Variants in TCERG1L observed in about 807,000 individuals in gnomAD.
TCERG1L encodes transcription elongation regulator 1-like protein.
Under a neutral mutation model 56.3 loss-of-function variants are expected in TCERG1L, and 37 were observed. That is an observed-to-expected ratio of 0.66 (90% confidence interval 0.51 to 0.87). The LOEUF (loss-of-function observed/expected upper bound fraction) is 0.87. Among genes scored for constraint, TCERG1L ranks in the 40% least tolerant of loss-of-function variants. The pLI, the probability that TCERG1L is intolerant of heterozygous loss-of-function variation, is 0.00. For missense variants in TCERG1L, 799 were observed against 774.2 expected (o/e 1.03, Z -0.38); for synonymous variants, 324 against 326.3 (o/e 0.99, Z 0.08).
At chr10:131,117,552 A>G (rs12571667) in intron 8 of TCERG1L, among the ~76,000 whole-genome samples, 36,693 of 152,144 alleles carry the variant, frequency 0.24, 5,462 homozygotes, top group East Asian at 0.8. Context: ...GTTCCCTCCC[A>G]CAGCAGAGGG....
At chr10:131,271,218 T>TAAAGAGGAAG (rs144430149) in intron 3 of TCERG1L, among the ~76,000 whole-genome samples, 3,158 of 152,164 alleles carry the variant, frequency 0.021, 81 homozygotes, top group East Asian at 0.089. Flanking sequence ...CGGGACTCAG[T>TAAAGAGGAAG]GAAGAAGAGG....
intron 5 of TCERG1L, among the ~76,000 whole-genome samples, chr10:131,166,092 G>A (rs1345582557): frequency 2.0e-5 from 3 of 152,182 alleles, no homozygotes; most frequent in Non-Finnish European, 4.4e-5. Flanking sequence ...AGGAGGAGAC[G>A]TGAACAACAG....
chr10:131,239,832 C>A (rs1845952311), intron 4 of TCERG1L, among the ~76,000 whole-genome samples: 1 of 152,224 alleles, frequency 6.6e-6, no homozygotes, highest in South Asian at 2.1e-4. Flanking sequence ...AAGACCCTCC[C>A]AGGCTCCCTC....
At chr10:131,280,350 G>C (rs551596940) in intron 3 of TCERG1L, among the ~76,000 whole-genome samples, 10 of 150,180 alleles carry the variant, frequency 6.7e-5, no homozygotes, top group African/African-American at 2.5e-4. Flanking sequence ...CCTTTAGCTT[G>C]GTAATCAATC....
intron 4 of TCERG1L, among the ~76,000 whole-genome samples, chr10:131,167,914 A>G (rs1846049508): frequency 6.6e-6 from 1 of 152,252 alleles, no homozygotes; most frequent in Non-Finnish European, 1.5e-5. Context: ...TTTAATACCA[A>G]GAATAAAAAG....
intron 7 of TCERG1L, among the ~76,000 whole-genome samples, chr10:131,139,690 CTG>C (rs10534161): frequency 0.53 from 79,569 of 150,088 alleles, 21,015 homozygotes; most frequent in East Asian, 0.67. Flanking sequence ...GTGTGTGTGT[CTG>C]TGTGTGTGTG....
At chr10:131,114,741 A>G (rs1253596376) in intron 9 of TCERG1L, among the ~76,000 whole-genome samples, 1 of 152,192 alleles carries the variant, frequency 6.6e-6, no homozygotes, top group Non-Finnish European at 1.5e-5. Flanking sequence ...GTTAGTTTAA[A>G]ACTGTGTTGG....
intron 4 of TCERG1L, among the ~76,000 whole-genome samples, chr10:131,250,713 C>G (rs1049622312): frequency 6.6e-6 from 1 of 152,166 alleles, no homozygotes; most frequent in East Asian, 1.9e-4. Flanking sequence ...CCTCCTAGCC[C>G]GGGAGCCCAG....
chr10:131,206,206 A>G (rs1468814055), intron 4 of TCERG1L, among the ~76,000 whole-genome samples: 5 of 152,242 alleles, frequency 3.3e-5, no homozygotes, highest in Non-Finnish European at 1.5e-5. Flanking sequence ...AGGTCCGCAA[A>G]GGCAAATCCT....
In TCERG1L at chr10:131,118,111, C is replaced by T. The variant is rs1454626705; in HGVS notation, c.1260-1177G>A. 1.3e-5 allele frequency among the ~76,000 whole-genome samples: 2 copies of T among 152,192 alleles called. No homozygotes were observed. Among genetic ancestry groups the T allele is most frequent in the African/African-American group, 4.8e-5 (2 of 41,450 alleles). ...TCCCTGGCCTGGCCCTGCTCCCACACCTGCCCACGGCATCAGACCACCCAT... is the reference window on the plus strand; with the variant it reads ...TCCCTGGCCTGGCCCTGCTCCCACATCTGCCCACGGCATCAGACCACCCAT... On this transcript the variant is annotated intron_variant, in intron 8 of 11. Transcript: ENST00000368642. This position sits in a 1 kb window ranked among gnomAD's most constrained non-coding sequence, Gnocchi z 4.2.
intron 4 of TCERG1L, among the ~76,000 whole-genome samples, chr10:131,251,151 A>G (rs1846105973): frequency 6.6e-6 from 1 of 152,132 alleles, no homozygotes; most frequent in Non-Finnish European, 1.5e-5. Context: ...ACACAATGAC[A>G]GCAGAGGTGT....
At chr10:131,304,943 C>T (rs529875278) in intron 3 of TCERG1L, among the ~76,000 whole-genome samples, 6 of 152,192 alleles carry the variant, frequency 3.9e-5, no homozygotes, top group Admixed American at 3.3e-4. Context: ...ATCCCTGCCA[C>T]GTCTCCTCCA....
intron 8 of TCERG1L, among the ~76,000 whole-genome samples, chr10:131,117,744 C>T (rs1845474059): frequency 6.6e-6 from 1 of 152,234 alleles, no homozygotes; most frequent in Admixed American, 6.5e-5. Context: ...GGAAGAAATG[C>T]TAGAGGCCTG....
intron 6 of TCERG1L, 83 bp from the exon 7 acceptor site, chr10:131,146,743 G>A: frequency 4.9e-6 from 7 of 1,436,128 alleles, no homozygotes; most frequent in Non-Finnish European, 6.5e-6. Context: ...CACTGAAAAA[G>A]CCCCTCAGGA....
chr10:131,099,417 C>G (rs566576709), intron 10 of TCERG1L, among the ~76,000 whole-genome samples: 1 of 152,192 alleles, frequency 6.6e-6, no homozygotes, highest in African/African-American at 2.4e-5. Context: ...AACTCAAGAA[C>G]GTTAAAAATA....
chr10:131,194,075 T>A (rs926674720), intron 4 of TCERG1L, among the ~76,000 whole-genome samples: 1 of 152,002 alleles, frequency 6.6e-6, no homozygotes, highest in East Asian at 1.9e-4. Flanking sequence ...CCCAGCGGCG[T>A]GCCTAGGCTT....
intron 4 of TCERG1L, among the ~76,000 whole-genome samples, chr10:131,237,051 C>G (rs1845920086): frequency 6.6e-6 from 1 of 151,980 alleles, no homozygotes; most frequent in Non-Finnish European, 1.5e-5. Flanking sequence ...CTAGGCAACC[C>G]AGCTCTGCCC....
intron 4 of TCERG1L, among the ~76,000 whole-genome samples, chr10:131,196,630 G>C (rs922421520): frequency 6.6e-6 from 1 of 152,216 alleles, no homozygotes; most frequent in African/African-American, 2.4e-5. Context: ...GGCAGGAGGA[G>C]CCCTGGAGCT....
intron 4 of TCERG1L, among the ~76,000 whole-genome samples, chr10:131,236,617 C>A (rs1845915684): frequency 6.6e-6 from 1 of 152,222 alleles, no homozygotes; most frequent in Admixed American, 6.5e-5. Flanking sequence ...TCGATGACAG[C>A]CATCCCCACT....
Sources: allele counts gnomAD v4.1 joint callset (sites outside exome capture counted in the v4.1 genomes callset), GRCh38; gene constraint gnomAD v4.1.1; non-coding constraint Gnocchi (gnomAD v3.1); transcripts MANE v1.5; gene names NCBI Gene and HGNC (gene_info 2026-07-23, HGNC 2026-07-21).